Variants in CATSPERD observed in about 807,000 individuals in gnomAD.
CATSPERD encodes the protein cation channel sperm-associated auxiliary subunit delta.
In CATSPERD, 86 loss-of-function variants were observed where a neutral mutation model predicts 98.1. That is an observed-to-expected ratio of 0.88 (90% confidence interval 0.74 to 1.05). The LOEUF is 1.05. Among genes scored for constraint, CATSPERD ranks in the 50% least tolerant of loss-of-function variants. CATSPERD has a pLI of 0.00. For synonymous variants in CATSPERD, 394 were observed against 390.2 expected (o/e 1.01, Z -0.12); for missense variants, 995 against 1,005.7 (o/e 0.99, Z 0.14).
intron 17 of CATSPERD, among the ~76,000 whole-genome samples, chr19:5,767,100 G>C (rs1290577464): frequency 6.6e-6 from 1 of 151,050 alleles, no homozygotes; most frequent in South Asian, 2.1e-4. Context: ...GGTGGATCAC[G>C]AGGTCAGGAG....
chr19:5,753,569 A>G (rs372941547), intron 12 of CATSPERD: 1 of 418,950 alleles, frequency 2.4e-6, no homozygotes, highest in Non-Finnish European at 4.7e-6. Context: ...CTCAAAAAAA[A>G]AAAAAGAAAC....
At chr19:5,735,435 C>T (rs1033724029) in intron 5 of CATSPERD, among the ~76,000 whole-genome samples, 2 of 151,940 alleles carry the variant, frequency 1.3e-5, no homozygotes, top group African/African-American at 2.4e-5. Flanking sequence ...CTTACCCTCC[C>T]GAGTAGCTGG....
chr19:5,762,058 A>ATATATTTTTTTTTTTT, intron 15 of CATSPERD, among the ~76,000 whole-genome samples: 1 of 10,438 alleles, frequency 9.6e-5, no homozygotes, highest in African/African-American at 3.3e-4. Flanking sequence ...ATATATATAT[A>ATATATTTTTTTTTTTT]TTTTTTTTTT....
intron 20 of CATSPERD, among the ~76,000 whole-genome samples, chr19:5,773,392 G>A (rs996986038): frequency 3.3e-5 from 5 of 152,136 alleles, no homozygotes; most frequent in Admixed American, 1.3e-4. Flanking sequence ...GGAACTGACC[G>A]AAGGACGGGA....
intron 11 of CATSPERD, 90 bp from the exon 12 acceptor site, chr19:5,751,531 CAAAAAAAAAAAAAAAAAAAAAAAAAA>C (rs57266365): frequency 1.3e-5 from 2 of 159,420 alleles, no homozygotes; most frequent in African/African-American, 6.0e-5. Context: ...GAGACTCCAT[CAAAAAAAAAAAAAAAAAAAAAAAAAA>C]AAAAAAAAAA....
intron 16 of CATSPERD, among the ~76,000 whole-genome samples, chr19:5,764,393 G>A (rs990003484): frequency 3.3e-5 from 5 of 151,940 alleles, no homozygotes; most frequent in Non-Finnish European, 7.4e-5. Context: ...TCGGCTCACT[G>A]CAAGCTCCAC....
rs201621273 is a variant in CATSPERD at position 5,766,101 on chromosome 19, A to C, written c.1507-2A>C. ...CCATATTTCTGTCTCTCTCCTCTGC[A>C]GTCGACACTGATTTCAGTTGGCTGC... On this transcript the variant is annotated splice_acceptor_variant, in intron 16 of 21. Coordinates refer to ENST00000381624, the MANE Select transcript of CATSPERD (RefSeq NM_152784.4). LOFTEE classifies it high-confidence loss of function. 1.4e-5 allele frequency: 22 copies of C among 1,612,582 alleles called. No homozygotes were observed. Among genetic ancestry groups the C allele is most frequent in the Non-Finnish European group, 1.9e-5 (22 of 1,179,342 alleles).
chr19:5,772,313 T>C (rs2436495), intron 19 of CATSPERD: 190,617 of 223,558 alleles, frequency 0.85, 81,537 homozygotes, highest in Admixed American at 0.88. Context: ...CCGCAAGCTC[T>C]GCCTCCCGGG....
intron 4 of CATSPERD, among the ~76,000 whole-genome samples, chr19:5,733,348 C>CTTCT (rs1555718451): frequency 5.5e-5 from 1 of 18,332 alleles, no homozygotes; most frequent in Non-Finnish European, 1.5e-4. Flanking sequence ...TTCTTTCTTT[C>CTTCT]TTCCTTCCTT....
chr19:5,766,165 T>C lies in CATSPERD; in HGVS notation c.1559+10T>C, dbSNP rs747618596. 1.8e-5 allele frequency: 29 copies of C among 1,611,850 alleles called. No individual in the cohort carries two copies. In the South Asian group the frequency reaches 3.2e-4, roughly 18 times the overall value. On this transcript the variant is annotated intron_variant, in intron 17 of 21. Transcript: ENST00000381624. Reference sequence around the variant, plus strand: ...AGATCGTCATCCAGAAGTAAGTATGTTGAGGCCGGGCACCATGGCTCATTC... The same window carrying C: ...AGATCGTCATCCAGAAGTAAGTATGCTGAGGCCGGGCACCATGGCTCATTC...
At chr19:5,774,156 C>T (rs545692093) in intron 20 of CATSPERD, among the ~76,000 whole-genome samples, 26 of 151,534 alleles carry the variant, frequency 1.7e-4, no homozygotes, top group South Asian at 2.1e-4. Flanking sequence ...TTAGTAGAGA[C>T]GGGGTTTCAC....
intron 1 of CATSPERD, among the ~76,000 whole-genome samples, chr19:5,723,114 G>A (rs1297640451): frequency 6.7e-6 from 1 of 150,030 alleles, no homozygotes. Context: ...GTGAACCCGG[G>A]AGGTGGAGCT....
chr19:5,726,986 G>A (rs917103582), intron 2 of CATSPERD, among the ~76,000 whole-genome samples: 5 of 152,132 alleles, frequency 3.3e-5, no homozygotes, highest in Admixed American at 6.6e-5. Context: ...AAGGTCAGGA[G>A]ATCGAGACCA....
chr19:5,742,156 A>G (rs1296652054), intron 7 of CATSPERD, among the ~76,000 whole-genome samples: 1 of 98,832 alleles, frequency 1.0e-5, no homozygotes, highest in African/African-American at 3.2e-5. Context: ...ACGTGTGTGA[A>G]CGTGTGTGTG....
chr19:5,775,648 C>CAAAAAA (rs1156270373), intron 20 of CATSPERD, among the ~76,000 whole-genome samples: 6 of 61,414 alleles, frequency 9.8e-5, no homozygotes, highest in African/African-American at 2.2e-4. Flanking sequence ...AACCCCATCT[C>CAAAAAA]AAAAAAAAAA....
Position 5,737,198 on chromosome 19 carries a change from T to G in CATSPERD, c.452T>G (p.Phe151Cys), listed in dbSNP as rs764671608. 6.8e-6 allele frequency: 11 copies of G among 1,606,012 alleles called. No individual in the cohort carries two copies. The highest frequency in any genetic ancestry group is 8.5e-6 in the Non-Finnish European group (10 of 1,172,806). The stretch of plus-strand genomic sequence containing the variant: ...AATTGTTGTTATACTGGAAGTTTGT[T>G]TTGTGTGGTAAGTATAAGTGTATAA... ...GDNCCYTGSLFCVHVSNLVFA... is the reference protein window; with the variant it reads ...GDNCCYTGSLCCVHVSNLVFA... Residue 151 changes from phenylalanine (F) to cysteine (C), a missense_variant, in exon 6 of 22, where the codon TTT (phenylalanine) becomes TGT (cysteine). Coordinates refer to ENST00000381624, the MANE Select transcript of CATSPERD (RefSeq NM_152784.4).
At chr19:5,761,717 T>C (rs908283121) in intron 15 of CATSPERD, among the ~76,000 whole-genome samples, 9 of 123,302 alleles carry the variant, frequency 7.3e-5, no homozygotes, top group African/African-American at 2.3e-4. Flanking sequence ...TTTTTTTTTT[T>C]CTGAGATGGA....
At position 5,722,924 on chromosome 19, in the gene CATSPERD, C is replaced by G. The variant is rs182538028; in HGVS notation, c.72-1884C>G. Among the ~76,000 whole-genome samples, 693 of 152,200 alleles carry G rather than the reference C, an allele frequency of 4.6e-3. 7 individuals carry two copies. The highest frequency in any genetic ancestry group is 0.022 in the South Asian group (106 of 4,822). On this transcript the variant is annotated intron_variant, in intron 1 of 21. Transcript: ENST00000381624. ...AAATTCTTGGCCGGGCGCGGGGGCTCACGCCTGTAATCCCAGCACTTTGGG... is the reference window on the plus strand; with the variant it reads ...AAATTCTTGGCCGGGCGCGGGGGCTGACGCCTGTAATCCCAGCACTTTGGG...
In CATSPERD at chr19:5,759,367, G is replaced by A. The variant is rs531772574; in HGVS notation, c.1427+223G>A. Among the ~76,000 whole-genome samples the A allele has an allele frequency of 3.3e-5, 5 of 151,932 alleles. No homozygotes were observed. In the East Asian group the frequency reaches 9.7e-4, roughly 30 times the overall value. On this transcript the variant is annotated intron_variant, in intron 15 of 21. Transcript: ENST00000381624. ...ACCTGAGGTCAGGAGTTCGAAACCA[G>A]CCTAGCCAACACGGTGAAACCCCGT...
Sources: allele counts gnomAD v4.1 joint callset (sites outside exome capture counted in the v4.1 genomes callset), GRCh38; gene constraint gnomAD v4.1.1; transcripts MANE v1.5; gene names NCBI Gene and HGNC (gene_info 2026-07-23, HGNC 2026-07-21).